The following MAP3K9 variants were observed in gnomAD, a reference collection of about 807,000 sequenced individuals.
MAP3K9 encodes mixed lineage kinase 1 (tyr and ser/thr specificity).
In MAP3K9, 46 loss-of-function variants were observed where a neutral mutation model predicts 95.8. The ratio of observed to expected loss-of-function variants is 0.48; its 90% CI spans 0.38 to 0.61. MAP3K9 has a LOEUF of 0.61. Among genes scored for constraint, MAP3K9 ranks in the 20% least tolerant of loss-of-function variants. The probability of loss-of-function intolerance (pLI) is 0.00; values close to 1 mark genes in which losing one functional copy is unlikely to be tolerated. For missense variants in MAP3K9, 1,296 were observed against 1,474.3 expected, an observed-to-expected ratio of 0.88 and a Z score of 1.98; for synonymous variants, 533 against 593.8, an observed-to-expected ratio of 0.90 and a Z score of 1.49.
intron 5 of MAP3K9, among the ~76,000 whole-genome samples, chr14:70,747,406 C>T (rs1450369522): frequency 6.6e-6 from 1 of 152,194 alleles, no homozygotes; most frequent in Non-Finnish European, 1.5e-5. Flanking sequence ...CTGTTTGCTA[C>T]CATGATTATA....
chr14:70,760,168 CACACAT>C (rs373974087), intron 3 of MAP3K9, among the ~76,000 whole-genome samples: 51 of 151,374 alleles, frequency 3.4e-4, no homozygotes, highest in African/African-American at 1.1e-3. Context: ...CACACACACA[CACACAT>C]ACACAGCTCA....
At chr14:70,730,967 G>T in intron 11 of MAP3K9, 103 bp from the exon 12 acceptor site, 1 of 1,273,618 alleles carries the variant, frequency 7.9e-7, no homozygotes, top group Non-Finnish European at 1.1e-6. Context: ...ACGCAATCAG[G>T]AGAACATGAA....
rs1237826395 is a variant in MAP3K9, at chr14:70,726,543, C to A, written c.*3837G>T. On this transcript the variant is annotated 3_prime_UTR_variant, in exon 12 of 12. Coordinates refer to ENST00000554752, the MANE Select transcript of MAP3K9 (RefSeq NM_001284230.2). Reference sequence around the variant, plus strand: ...CTCCCATTTCCTTCTCTGTAAGACACAAGTGGTGAGGATGACATTGGCAGA... The same window carrying A: ...CTCCCATTTCCTTCTCTGTAAGACAAAAGTGGTGAGGATGACATTGGCAGA... 6.6e-6 allele frequency: 1 copy of A among 152,262 alleles called. No homozygotes were observed. Among genetic ancestry groups the A allele is most frequent in the Non-Finnish European group, 1.5e-5 (1 of 68,050 alleles). 9.4% of individuals were successfully genotyped at this position (152,262 alleles called of 1,614,324 possible).
intron 2 of MAP3K9, among the ~76,000 whole-genome samples, chr14:70,780,425 C>A (rs569179468): frequency 6.6e-6 from 1 of 152,316 alleles, no homozygotes; most frequent in Admixed American, 6.5e-5. Flanking sequence ...GCCGTACCCA[C>A]TTCCCACATC....
chr14:70,754,009 T>C (rs2054265508), intron 3 of MAP3K9, among the ~76,000 whole-genome samples: 2 of 152,184 alleles, frequency 1.3e-5, no homozygotes, highest in South Asian at 2.1e-4. Context: ...CTCCCTTGAA[T>C]GAGGTGGGCT....
In MAP3K9 at chr14:70,742,515, C is replaced by T. The variant is rs774068235; in HGVS notation, c.1403G>A (p.Arg468Gln). 3.7e-6 allele frequency: 6 copies of T among 1,614,232 alleles called. No homozygotes were observed. The highest frequency in any genetic ancestry group is 1.7e-5 in the Admixed American group (1 of 60,026). The change falls in exon 6 of 12, where the codon CGG becomes CAG. Residue 468 changes from arginine (R) to glutamine (Q), a missense_variant. Arg to Gln is a conservative substitution (Grantham distance 43). Coordinates refer to ENST00000554752, the MANE Select transcript of MAP3K9 (RefSeq NM_001284230.2). ...QKNQEELLRR[R>Q]EQELAEREID... is the part of the protein sequence containing the mutation. ...CTCCCGCTCGGCCAGCTCCTGCTCC[C>T]GACGCCGCAGCAGTTCCTCCTGGTT...
rs546533177 is a variant in MAP3K9, at chr14:70,789,934, C to T, written c.820+10733G>A. Among the ~76,000 whole-genome samples the T allele has an allele frequency of 2.2e-4, 33 of 152,254 alleles. No individual in the cohort carries two copies. The South Asian group carries it at 6.9e-3, about 32-fold the overall frequency. ...GTCGCCTAAGTGACCTTGAGCCCCA[C>T]CTGGAAAAGCCCTATGTTGTTTCAA... On this transcript the variant is annotated intron_variant, in intron 2 of 11. Coordinates refer to ENST00000554752, the MANE Select transcript of MAP3K9 (RefSeq NM_001284230.2).
intron 2 of MAP3K9, among the ~76,000 whole-genome samples, chr14:70,798,917 C>T (rs916666772): frequency 2.0e-4 from 30 of 152,138 alleles, no homozygotes; most frequent in Non-Finnish European, 1.2e-4. Flanking sequence ...ACTTCACATG[C>T]ATCATATCTA....
At chr14:70,776,053 A>G (rs1310745145) in intron 2 of MAP3K9, among the ~76,000 whole-genome samples, 1 of 151,950 alleles carries the variant, frequency 6.6e-6, no homozygotes, top group Non-Finnish European at 1.5e-5. Context: ...GCTGAGCATG[A>G]TGGCGGGCGC....
intron 5 of MAP3K9, among the ~76,000 whole-genome samples, chr14:70,748,211 T>A (rs1429138185): frequency 6.6e-6 from 1 of 151,800 alleles, no homozygotes; most frequent in Non-Finnish European, 1.5e-5. Flanking sequence ...ATAAGCAATA[T>A]AGTTGCATGT....
chr14:70,805,046 A>C (rs1401850829), intron 1 of MAP3K9, among the ~76,000 whole-genome samples: 1 of 152,168 alleles, frequency 6.6e-6, no homozygotes, highest in Non-Finnish European at 1.5e-5. Flanking sequence ...ACCTGGTTTT[A>C]AGTAAGAATC....
At chr14:70,804,692 TAA>T (rs3081535) in intron 1 of MAP3K9, among the ~76,000 whole-genome samples, 34,931 of 151,814 alleles carry the variant, frequency 0.23, 4,278 homozygotes, top group South Asian at 0.38. Context: ...ATTGAAAAAA[TAA>T]ATGCAGGGAG....
chr14:70,738,442 C>A, intron 7 of MAP3K9, 44 bp from the exon 8 acceptor site: 3 of 1,589,928 alleles, frequency 1.9e-6, no homozygotes, highest in Non-Finnish European at 2.6e-6. Flanking sequence ...AATGGACAGA[C>A]AGGGCTCCCC....
rs899617349 is a variant in MAP3K9 at position 70,722,857 on chromosome 14, G to A, written c.*7523C>T. ...AGAGAAGGTCTAGGGATAAAAACTA[G>A]TAGCTAATTACAGAGCAACCAAACA... On this transcript the variant is annotated 3_prime_UTR_variant, in exon 12 of 12. Coordinates refer to ENST00000554752, the MANE Select transcript of MAP3K9 (RefSeq NM_001284230.2). 1.3e-5 allele frequency: 2 copies of A among 152,202 alleles called. No homozygotes were observed. The highest frequency in any genetic ancestry group is 4.8e-5 in the African/African-American group (2 of 41,450). The allele number at this position is 152,202 out of a possible 1,614,324, so 9.4% of individuals were successfully genotyped here.
At chr14:70,735,520 C>T (rs969510929) in intron 9 of MAP3K9, among the ~76,000 whole-genome samples, 6 of 152,122 alleles carry the variant, frequency 3.9e-5, no homozygotes, top group Admixed American at 6.5e-5. Context: ...AATTAAAGTA[C>T]ATCCCAACCA....
In MAP3K9 at chr14:70,742,625, T is replaced by C. The variant is rs759526850; in HGVS notation, c.1327-34A>G. 58 of 1,607,088 alleles carry C rather than the reference T, an allele frequency of 3.6e-5. No homozygotes were observed. The East Asian group carries it at 1.2e-3, about 34-fold the overall frequency. On this transcript the variant is annotated intron_variant, in intron 5 of 11. Transcript: ENST00000554752. Reference sequence around the variant, plus strand: ...TGGGCAGAACCATCAGAGAAAAGACTGGGGTGCTCAGTGCAGAGGGGCTCT... The same window carrying C: ...TGGGCAGAACCATCAGAGAAAAGACCGGGGTGCTCAGTGCAGAGGGGCTCT...
chr14:70,731,497 C>G (rs1454367430), intron 11 of MAP3K9, among the ~76,000 whole-genome samples: 10 of 152,216 alleles, frequency 6.6e-5, no homozygotes, highest in African/African-American at 2.4e-4. Flanking sequence ...ACAGCCACAT[C>G]CAGTGTCTGC....
intron 2 of MAP3K9, among the ~76,000 whole-genome samples, chr14:70,790,690 T>C (rs567719140): frequency 1.3e-5 from 2 of 152,326 alleles, no homozygotes; most frequent in East Asian, 3.9e-4. Context: ...CCTGGCCCTA[T>C]GTTAATCTTT....
chr14:70,731,598 AG>A (rs1157549710), intron 11 of MAP3K9, among the ~76,000 whole-genome samples: 2 of 152,238 alleles, frequency 1.3e-5, no homozygotes, highest in Admixed American at 6.5e-5. Flanking sequence ...TCACCAAAAA[AG>A]CTTGCTGCCT....
Sources: gnomAD v4.1 joint callset for allele counts (sites outside exome capture counted in the v4.1 genomes callset) on GRCh38, gnomAD v4.1.1 for gene constraint, MANE v1.5 for transcripts, NCBI Gene and HGNC (gene_info 2026-07-23, HGNC 2026-07-21) for gene names.